AMMECR1: variants seen among roughly 807,000 people sequenced by gnomAD.
The protein encoded by AMMECR1 is nuclear protein AMMECR1.
AMMECR1 carries 3 observed loss-of-function variants against 22.5 expected under a neutral mutation model. The ratio of observed to expected loss-of-function variants is 0.13; its 90% CI spans 0.06 to 0.35. The LOEUF (loss-of-function observed/expected upper bound fraction) is 0.35. Ranked by LOEUF, AMMECR1 falls within the 10% of genes least tolerant of loss-of-function variation. The pLI, the probability that AMMECR1 is intolerant of heterozygous loss-of-function variation, is 1.00. For missense variants in AMMECR1, 235 were observed against 278.7 expected (o/e 0.84, Z 1.12); for synonymous variants, 130 against 116.7 (o/e 1.11, Z -0.74).
chrX:110,294,573 G>A (rs757898125), intron 1 of AMMECR1, among the ~76,000 whole-genome samples: 5 of 111,710 alleles, frequency 4.5e-5, no homozygotes, highest in East Asian at 2.8e-4. Flanking sequence ...TTCAAGATGC[G>A]TTAAAACCTG....
intron 2 of AMMECR1, among the ~76,000 whole-genome samples, chrX:110,259,068 C>A (rs1005471887): frequency 9.0e-6 from 1 of 111,471 alleles, no homozygotes; most frequent in East Asian, 2.8e-4. Flanking sequence ...CTAGCTAGGA[C>A]CTTTGAAAGT....
At chrX:110,437,982 G>A (rs2068851442) in intron 1 of AMMECR1, among the ~76,000 whole-genome samples, 1 of 111,612 alleles carries the variant, frequency 9.0e-6, no homozygotes, top group Non-Finnish European at 1.9e-5. Context: ...TACATTAAGT[G>A]GGTCTTATTC....
intron 1 of AMMECR1, among the ~76,000 whole-genome samples, chrX:110,300,666 T>C (rs546063370): frequency 1.8e-5 from 2 of 112,250 alleles, no homozygotes; most frequent in African/African-American, 6.5e-5. Context: ...TAATGCTTTA[T>C]TTTTGTGAAT....
intron 2 of AMMECR1, among the ~76,000 whole-genome samples, chrX:110,238,615 G>A (rs753977636): frequency 6.2e-5 from 7 of 112,495 alleles, no homozygotes; most frequent in Middle Eastern, 4.6e-3. Context: ...GTGGCTGTGG[G>A]CACAGCTTCA....
rs976294401 is a variant in AMMECR1, at chrX:110,374,670, G to A, written c.-148+51988C>T. Among the ~76,000 whole-genome samples the A allele has an allele frequency of 8.0e-5, 9 of 112,092 alleles. No homozygotes were observed. In the Admixed American group the frequency reaches 8.5e-4, roughly 11 times the overall value. The stretch of plus-strand genomic sequence containing the variant: ...GAGCTGTTAAAGAAGGTTTCATAAA[G>A]GAAGTAGGACTTAGGCTGCATAGAA... On this transcript the variant is annotated intron_variant, in intron 2 of 7. Coordinates refer to the AMMECR1 transcript ENST00000372057.
intron 1 of AMMECR1, among the ~76,000 whole-genome samples, chrX:110,274,964 T>C (rs1170903719): frequency 8.9e-6 from 1 of 112,124 alleles, no homozygotes. Flanking sequence ...ACAAAAGCAA[T>C]GTAAAGACCT....
At chrX:110,428,952 C>T (rs1042361224) in intron 1 of AMMECR1, among the ~76,000 whole-genome samples, 14 of 112,231 alleles carry the variant, frequency 1.2e-4, no homozygotes, top group African/African-American at 1.6e-4. Flanking sequence ...GTGTATCCAG[C>T]GCACTGGCCA....
chrX:110,250,968 G>A (rs1478721784), intron 2 of AMMECR1, among the ~76,000 whole-genome samples: 1 of 112,166 alleles, frequency 8.9e-6, no homozygotes. Flanking sequence ...CTCTGGCTCA[G>A]TCTAATTCCA....
At chrX:110,420,440 G>A (rs1478610880) in intron 2 of AMMECR1, among the ~76,000 whole-genome samples, 1 of 112,087 alleles carries the variant, frequency 8.9e-6, no homozygotes, top group Non-Finnish European at 1.9e-5. Flanking sequence ...GGGCACAAGG[G>A]TATTCTGGTG....
chrX:110,301,845 C>A (rs1385812602), intron 1 of AMMECR1, among the ~76,000 whole-genome samples: 2 of 111,572 alleles, frequency 1.8e-5, no homozygotes, highest in African/African-American at 6.5e-5. Context: ...GACACTAAAT[C>A]AAAAATCCAT....
intron 2 of AMMECR1, among the ~76,000 whole-genome samples, chrX:110,226,606 C>CAAAACA (rs368576707): frequency 0.036 from 3,967 of 110,297 alleles, 207 homozygotes; most frequent in African/African-American, 0.13. Flanking sequence ...GACTCCATCT[C>CAAAACA]AAAACAAAAA....
chrX:110,305,310 G>A (rs1304644160), intron 1 of AMMECR1: 2 of 111,802 alleles, frequency 1.8e-5, no homozygotes, highest in African/African-American at 3.3e-5. Flanking sequence ...AGATAATACT[G>A]GCAAAAAAGA....
intron 1 of AMMECR1, among the ~76,000 whole-genome samples, chrX:110,315,444 T>C (rs1381898709): frequency 8.9e-6 from 1 of 112,239 alleles, no homozygotes; most frequent in Non-Finnish European, 1.9e-5. Context: ...TTTCAACATA[T>C]CCACAGTGGT....
At chrX:110,427,025 C>G (rs771378269) in intron 1 of AMMECR1, among the ~76,000 whole-genome samples, 1 of 112,353 alleles carries the variant, frequency 8.9e-6, no homozygotes, top group East Asian at 2.8e-4. Context: ...ATCTTTATTT[C>G]TCACCTCTAC....
At chrX:110,416,643 T>C (rs1178349742) in intron 2 of AMMECR1, among the ~76,000 whole-genome samples, 2 of 112,192 alleles carry the variant, frequency 1.8e-5, no homozygotes, top group Middle Eastern at 9.3e-3. Flanking sequence ...TCAGAAACAC[T>C]GAAGACATGG....
At chrX:110,279,065 C>T (rs984918863) in intron 1 of AMMECR1, among the ~76,000 whole-genome samples, 1 of 112,099 alleles carries the variant, frequency 8.9e-6, no homozygotes, top group Non-Finnish European at 1.9e-5. Context: ...GACTACTTCT[C>T]ACACTCCTTC....
intron 2 of AMMECR1, among the ~76,000 whole-genome samples, chrX:110,382,131 A>G (rs2068424480): frequency 8.9e-6 from 1 of 112,219 alleles, no homozygotes; most frequent in South Asian, 3.7e-4. Flanking sequence ...CTCCAGGCCT[A>G]TGCTTTGGTC....
chrX:110,249,499 T>C (rs192284797), intron 2 of AMMECR1, among the ~76,000 whole-genome samples: 1 of 111,803 alleles, frequency 8.9e-6, no homozygotes, highest in East Asian at 2.8e-4. Flanking sequence ...TTGGAAATAT[T>C]AGATGAGGTA....
intron 2 of AMMECR1, among the ~76,000 whole-genome samples, chrX:110,359,198 C>T (rs138322365): frequency 8.2e-4 from 91 of 111,295 alleles, no homozygotes; most frequent in Non-Finnish European, 1.6e-3. Flanking sequence ...TACTGCTTCG[C>T]AACAGAAACT....
Sources: gnomAD v4.1 joint callset for allele counts (sites outside exome capture counted in the v4.1 genomes callset) on GRCh38, gnomAD v4.1.1 for gene constraint, MANE v1.5 for transcripts, NCBI Gene and HGNC (gene_info 2026-07-23, HGNC 2026-07-21) for gene names.